Variants in GHR observed in about 807,000 individuals in gnomAD.
The protein encoded by GHR is GH receptor.
A neutral mutation model predicts 67.1 loss-of-function variants in GHR; 35 were observed. The observed-to-expected ratio is 0.52, with a 90% CI of 0.40 to 0.69. GHR has a LOEUF of 0.69. GHR is among the 30% of genes least tolerant of loss of function. GHR has a pLI of 0.00. For synonymous variants in GHR, 272 were observed against 269.1 expected (o/e 1.01, Z -0.10); for missense variants, 792 against 764.6 (o/e 1.04, Z -0.42).
intron 6 of GHR, among the ~76,000 whole-genome samples, chr5:42,708,949 A>G (rs966338007): frequency 1.4e-4 from 21 of 152,214 alleles, no homozygotes; most frequent in African/African-American, 5.1e-4. Flanking sequence ...AAGGTCTTGG[A>G]CAAAGACCAG....
At chr5:42,499,839 A>C (rs926148981) in intron 1 of GHR, among the ~76,000 whole-genome samples, 3 of 152,236 alleles carry the variant, frequency 2.0e-5, no homozygotes, top group African/African-American at 7.2e-5. Context: ...AACATAGTAC[A>C]TATAGAGGTC....
intron 3 of GHR, among the ~76,000 whole-genome samples, chr5:42,649,081 C>CA (rs1754887571): frequency 6.6e-6 from 1 of 152,268 alleles, no homozygotes; most frequent in East Asian, 1.9e-4. Flanking sequence ...CTAACTGGAG[C>CA]ATTCAGACTG....
intron 2 of GHR, among the ~76,000 whole-genome samples, chr5:42,581,056 A>C (rs545175345): frequency 6.6e-6 from 1 of 152,326 alleles, no homozygotes; most frequent in East Asian, 1.9e-4. Context: ...TTGCCATTAC[A>C]AATCTCTTTC....
intron 6 of GHR, among the ~76,000 whole-genome samples, chr5:42,701,642 A>T (rs1757935307): frequency 6.6e-6 from 1 of 152,130 alleles, no homozygotes; most frequent in Non-Finnish European, 1.5e-5. Context: ...ATTTTTTGCA[A>T]TGGAAAAAAT....
chr5:42,693,104 T>C (rs1757498009), intron 4 of GHR, among the ~76,000 whole-genome samples: 2 of 151,972 alleles, frequency 1.3e-5, no homozygotes, highest in Non-Finnish European at 2.9e-5. Context: ...CATTTACTTT[T>C]TGCATCAGAG....
In GHR at chr5:42,694,999, T is replaced by G; in HGVS notation, c.349T>G (p.Ser117Ala). 2 of 1,609,748 alleles carry G rather than the reference T, an allele frequency of 1.2e-6. No homozygotes were observed. Among genetic ancestry groups the G allele is most frequent in the Non-Finnish European group, 1.7e-6 (2 of 1,176,128 alleles). ...GGAAAACAGCTGTTACTTTAATTCA[T>G]CGTTTACCTCCATCTGGATACCTTA... is the stretch of plus-strand genomic sequence containing the variant. ...AGENSCYFNS[S>A]FTSIWIPYCI... The change falls in exon 5 of 10, where the codon TCG (serine) becomes GCG (alanine). Residue 117 changes from serine to alanine, a missense_variant. Ser to Ala is a moderately conservative substitution (Grantham distance 99). Transcript: ENST00000230882.
At chr5:42,707,226 CA>C (rs1561245490) in intron 6 of GHR, among the ~76,000 whole-genome samples, 3 of 151,962 alleles carry the variant, frequency 2.0e-5, no homozygotes, top group Non-Finnish European at 1.5e-5. Context: ...ACCGCCCCCC[CA>C]AACACATTTT....
Position 42,512,159 on chromosome 5 carries a change from G to GGAGCAGGAA in GHR, c.-11-53702_-11-53694dup, listed in dbSNP as rs201142660. 6.0e-3 allele frequency among the ~76,000 whole-genome samples: 908 copies of GGAGCAGGAA among 152,292 alleles called. 8 individuals carry two copies. The highest frequency in any genetic ancestry group is 0.027 in the Middle Eastern group (8 of 294). ...TGCTGGTTTGTGCTGATGTTATAAA[G>GGAGCAGGAA]GAGCAGGAAGATGGTAATGAACTCC... On this transcript the variant is annotated intron_variant, in intron 1 of 9. Transcript: ENST00000230882.
At chr5:42,691,673 A>T (rs1035374962) in intron 4 of GHR, among the ~76,000 whole-genome samples, 4 of 152,244 alleles carry the variant, frequency 2.6e-5, no homozygotes, top group African/African-American at 9.6e-5. Flanking sequence ...TCTAAAGCAC[A>T]ACAGAACGTG....
chr5:42,689,433 T>G (rs1203223495), intron 4 of GHR, among the ~76,000 whole-genome samples: 4 of 152,172 alleles, frequency 2.6e-5, no homozygotes, highest in African/African-American at 9.7e-5. Flanking sequence ...CATGTATGGA[T>G]ACACGTGGGC....
At chr5:42,707,831 TC>T (rs1758255953) in intron 6 of GHR, among the ~76,000 whole-genome samples, 1 of 152,134 alleles carries the variant, frequency 6.6e-6, no homozygotes, top group Non-Finnish European at 1.5e-5. Context: ...CACACTTACA[TC>T]TTTTTATATT....
At chr5:42,601,962 G>A (rs189563440) in intron 2 of GHR, among the ~76,000 whole-genome samples, 2 of 152,182 alleles carry the variant, frequency 1.3e-5, no homozygotes, top group East Asian at 3.9e-4. Context: ...GACCAACTGA[G>A]AGTATAAAAA....
Position 42,581,991 on chromosome 5 carries a change from C to T in GHR, c.70+16047C>T, listed in dbSNP as rs1751197422. On this transcript the variant is annotated intron_variant, in intron 2 of 9. Transcript: ENST00000230882. ...GCAAAGTCATGGCCAAGCCTGGATGCTGTCATGACCTGGTCAGGTGTGCAC... is the reference window on the plus strand; with the variant it reads ...GCAAAGTCATGGCCAAGCCTGGATGTTGTCATGACCTGGTCAGGTGTGCAC... Among the ~76,000 whole-genome samples the T allele has an allele frequency of 1.3e-5, 2 of 152,264 alleles. 1 individual carries two copies. Among genetic ancestry groups the T allele is most frequent in the South Asian group, 4.1e-4 (2 of 4,836 alleles).
intron 2 of GHR, among the ~76,000 whole-genome samples, chr5:42,625,763 A>T (rs909692580): frequency 1.5e-5 from 2 of 136,848 alleles, no homozygotes; most frequent in Non-Finnish European, 3.4e-5. Context: ...TATGTTTCTT[A>T]TTGGACCTAA....
In GHR at chr5:42,718,066, T is replaced by C; in HGVS notation, c.890T>C (p.Ile297Thr). The C allele has an allele frequency of 2.5e-6, 4 of 1,584,728 alleles. No homozygotes were observed. The highest frequency in any genetic ancestry group is 3.5e-6 in the Non-Finnish European group (4 of 1,153,378). Residue 297 changes from isoleucine (I) to threonine (T), a missense_variant, in exon 9 of 10, where the codon ATT becomes ACT. Transcript: ENST00000230882. ...ATGTTTTCAAGGATTAAAATGCTGA[T>C]TCTGCCCCCAGTTCCAGTTCCAAAG... The part of the protein sequence containing the change: ...FSKQQRIKML[I>T]LPPVPVPKIK...
intron 1 of GHR, among the ~76,000 whole-genome samples, chr5:42,519,662 A>T (rs1747389968): frequency 6.6e-6 from 1 of 152,218 alleles, no homozygotes; most frequent in African/African-American, 2.4e-5. Context: ...TGTCATGGTT[A>T]TATGTTGGCA....
At chr5:42,490,347 G>A (rs1746061359) in intron 1 of GHR, among the ~76,000 whole-genome samples, 1 of 152,180 alleles carries the variant, frequency 6.6e-6, no homozygotes. Flanking sequence ...TTATAACCCT[G>A]GCATAGAAAT....
At chr5:42,467,045 A>C in intron 1 of GHR, 1 of 1,575,376 alleles carries the variant, frequency 6.3e-7, no homozygotes. Flanking sequence ...CACTCATTAC[A>C]CATGTAAGGT....
chr5:42,474,937 G>C (rs1193870283), intron 1 of GHR, among the ~76,000 whole-genome samples: 4 of 137,166 alleles, frequency 2.9e-5, no homozygotes, highest in Non-Finnish European at 6.1e-5. Flanking sequence ...AGGCTGGAGT[G>C]CAATGGTGCT....
Sources: gnomAD v4.1 joint callset for allele counts (sites outside exome capture counted in the v4.1 genomes callset) on GRCh38, gnomAD v4.1.1 for gene constraint, MANE v1.5 for transcripts, NCBI Gene and HGNC (gene_info 2026-07-23, HGNC 2026-07-21) for gene names.